STX6: variants seen among roughly 807,000 people sequenced by gnomAD.
The protein encoded by STX6 is syntaxin 6.
A neutral mutation model predicts 38.0 loss-of-function variants in STX6; 23 were observed. The observed-to-expected ratio is 0.60, with a 90% confidence interval of 0.43 to 0.86. The LOEUF is 0.86. STX6 is among the 40% of genes least tolerant of loss of function. STX6 has a pLI of 0.00. For missense variants in STX6, 274 were observed against 312.9 expected (o/e 0.88, Z 0.94); for synonymous variants, 123 against 107.5 (o/e 1.14, Z -0.89).
At chr1:181,021,823 A>G (rs977009542) in intron 1 of STX6, among the ~76,000 whole-genome samples, 4 of 152,232 alleles carry the variant, frequency 2.6e-5, no homozygotes, top group African/African-American at 9.6e-5. Flanking sequence ...AGTCCTTTCT[A>G]TTCTGAAAGG....
chr1:180,996,300 CACACAATGCAGTATTATAT>C (rs1194862036), intron 3 of STX6, among the ~76,000 whole-genome samples: 1 of 151,956 alleles, frequency 6.6e-6, no homozygotes, highest in African/African-American at 2.4e-5. Context: ...CAACACAATC[CACACAATGCAGTATTATAT>C]ACTAGGCATT....
chr1:180,980,219 A>C (rs1242380012), intron 7 of STX6, among the ~76,000 whole-genome samples: 3 of 150,976 alleles, frequency 2.0e-5, no homozygotes, highest in East Asian at 1.9e-4. Flanking sequence ...AAAAAAAAAA[A>C]AAAACACCAT....
intron 3 of STX6, among the ~76,000 whole-genome samples, chr1:180,995,372 A>G (rs905549109): frequency 1.3e-5 from 2 of 152,170 alleles, no homozygotes; most frequent in Non-Finnish European, 2.9e-5. Flanking sequence ...CTTGTCTTAC[A>G]ATGGAAATCT....
intron 3 of STX6, among the ~76,000 whole-genome samples, chr1:181,000,661 T>C (rs1656053546): frequency 6.6e-6 from 1 of 152,274 alleles, no homozygotes; most frequent in East Asian, 1.9e-4. Context: ...AAAAAGCTTT[T>C]CAGATATTAG....
intron 7 of STX6, among the ~76,000 whole-genome samples, chr1:180,977,691 CAT>C (rs755465091): frequency 3.3e-5 from 5 of 152,298 alleles, no homozygotes; most frequent in Non-Finnish European, 7.3e-5. Flanking sequence ...AATATAAAGA[CAT>C]ATTGATTCAC....
At chr1:181,001,132 T>C (rs1656069800) in intron 3 of STX6, among the ~76,000 whole-genome samples, 1 of 152,130 alleles carries the variant, frequency 6.6e-6, no homozygotes, top group South Asian at 2.1e-4. Flanking sequence ...ATAAAACAAG[T>C]AACAAGAATA....
In STX6 at chr1:180,976,465, T is replaced by C. The variant is rs1655251755; in HGVS notation, c.*105A>G. The C allele has an allele frequency of 9.0e-6, 9 of 1,001,806 alleles. No individual in the cohort carries two copies. In the South Asian group the frequency reaches 9.4e-5, roughly 10 times the overall value. The allele number at this position is 1,001,806 out of a possible 1,614,324, so 62.1% of individuals were successfully genotyped here. On this transcript the variant is annotated 3_prime_UTR_variant, in exon 8 of 8. Transcript: ENST00000258301. ...GGAGAAAAGTCAGTGCAGCAGTATGTTTCCAGGATAGGAATGTGAGTAGAC... is the reference window on the plus strand; with the variant it reads ...GGAGAAAAGTCAGTGCAGCAGTATGCTTCCAGGATAGGAATGTGAGTAGAC...
At position 180,975,086 on chromosome 1, in the gene STX6, C is replaced by CAAACA. The variant is rs1301887035; in HGVS notation, c.*1479_*1483dup. 5 of 152,228 alleles carry CAAACA rather than the reference C, an allele frequency of 3.3e-5. No individual in the cohort carries two copies. The highest frequency in any genetic ancestry group is 2.1e-4 in the South Asian group (1 of 4,806). The allele number at this position is 152,228 out of a possible 1,614,324, so 9.4% of individuals were successfully genotyped here. On this transcript the variant is annotated 3_prime_UTR_variant, in exon 8 of 8. Transcript: ENST00000258301. ...CCCCCAAATAAAACCACATGAAATA[C>CAAACA]AAACAAAACAAAACAAAAAGGTTTA...
intron 6 of STX6, among the ~76,000 whole-genome samples, chr1:180,987,494 C>T (rs1370961170): frequency 6.6e-6 from 1 of 152,226 alleles, no homozygotes; most frequent in Non-Finnish European, 1.5e-5. Flanking sequence ...CCTTGGCTTC[C>T]AGAAGGCCCG....
rs1160466742 is a variant in STX6 at position 180,975,997 on chromosome 1, T to G, written c.*573A>C. On this transcript the variant is annotated 3_prime_UTR_variant, in exon 8 of 8. Coordinates refer to ENST00000258301, the MANE Select transcript of STX6 (RefSeq NM_005819.6). ...TGGAAAAGCAATTTTATCTTAGCATTTATCCCTGAAAAATGAAACACTGCA... is the reference window on the plus strand; with the variant it reads ...TGGAAAAGCAATTTTATCTTAGCATGTATCCCTGAAAAATGAAACACTGCA... 6.6e-6 allele frequency: 1 copy of G among 152,654 alleles called. No homozygotes were observed. The highest frequency in any genetic ancestry group is 1.9e-4 in the East Asian group (1 of 5,204). The allele number at this position is 152,654 out of a possible 1,614,324, so 9.5% of individuals were successfully genotyped here.
At chr1:180,980,102 A>G (rs1180425325) in intron 7 of STX6, among the ~76,000 whole-genome samples, 2 of 151,400 alleles carry the variant, frequency 1.3e-5, no homozygotes, top group African/African-American at 4.9e-5. Flanking sequence ...AGCTACTTGA[A>G]AGGCTGAAGC....
Position 180,976,472 on chromosome 1 carries a change from G to A in STX6, c.*98C>T, listed in dbSNP as rs890564979. The A allele has an allele frequency of 1.9e-6, 2 of 1,046,638 alleles. No individual in the cohort carries two copies. The highest frequency in any genetic ancestry group is 1.5e-6 in the Non-Finnish European group (1 of 675,444). The allele number at this position is 1,046,638 out of a possible 1,614,324, so 64.8% of individuals were successfully genotyped here. On this transcript the variant is annotated 3_prime_UTR_variant, in exon 8 of 8. Coordinates refer to ENST00000258301, the MANE Select transcript of STX6 (RefSeq NM_005819.6). ...AGTCAGTGCAGCAGTATGTTTCCAG[G>A]ATAGGAATGTGAGTAGACGGCAATG...
chr1:180,992,469 C>A (rs905405004), intron 4 of STX6, among the ~76,000 whole-genome samples: 18 of 152,278 alleles, frequency 1.2e-4, no homozygotes, highest in Admixed American at 3.3e-4. Flanking sequence ...ATGGACAATT[C>A]ATAACTTTCT....
At position 181,007,804 on chromosome 1, in the gene STX6, C is replaced by T. The variant is rs1656268478; in HGVS notation, c.36-2341G>A. 2.0e-5 allele frequency among the ~76,000 whole-genome samples: 3 copies of T among 152,182 alleles called. No homozygotes were observed. The South Asian group carries it at 6.2e-4, about 31-fold the overall frequency. ...TTACTATATTAGGAATTCAAACAGACATTTTAAAAATATTTGTCAACTTTA... is the reference window on the plus strand; with the variant it reads ...TTACTATATTAGGAATTCAAACAGATATTTTAAAAATATTTGTCAACTTTA... On this transcript the variant is annotated intron_variant, in intron 1 of 7. Transcript: ENST00000258301.
chr1:181,007,471 T>C (rs1221059076), intron 1 of STX6, among the ~76,000 whole-genome samples: 1 of 152,188 alleles, frequency 6.6e-6, no homozygotes, highest in Non-Finnish European at 1.5e-5. Context: ...GTACTGAGTA[T>C]CATTTATGAT....
At chr1:180,981,592 A>G (rs2102301572) in intron 7 of STX6, among the ~76,000 whole-genome samples, 1 of 152,112 alleles carries the variant, frequency 6.6e-6, no homozygotes, top group South Asian at 2.1e-4. Flanking sequence ...CATGCCTCCT[A>G]CCACCCTCCA....
chr1:180,975,940 ATTAG>A lies in STX6; in HGVS notation c.*626_*629del. The stretch of plus-strand genomic sequence containing the variant: ...ACCCCAGGGTGTTTCATTATTTTCC[ATTAG>A]TTATTCTTACCACAAAAAAAAATGA... On this transcript the variant is annotated 3_prime_UTR_variant, in exon 8 of 8. Coordinates refer to ENST00000258301, the MANE Select transcript of STX6 (RefSeq NM_005819.6). 1 of 152,634 alleles carries A rather than the reference ATTAG, an allele frequency of 6.6e-6. No individual in the cohort carries two copies. The highest frequency in any genetic ancestry group is 3.4e-3 in the Middle Eastern group (1 of 294). 9.5% of individuals were successfully genotyped at this position (152,634 alleles called of 1,614,324 possible).
intron 3 of STX6, among the ~76,000 whole-genome samples, chr1:180,997,956 A>G (rs1050717083): frequency 6.6e-6 from 1 of 152,218 alleles, no homozygotes; most frequent in Non-Finnish European, 1.5e-5. Context: ...CATCAGGATT[A>G]TTTGCATTTT....
At chr1:181,016,203 T>C (rs1656551268) in intron 1 of STX6, among the ~76,000 whole-genome samples, 1 of 149,616 alleles carries the variant, frequency 6.7e-6, no homozygotes, top group African/African-American at 2.4e-5. Flanking sequence ...TCTGTTTCAG[T>C]TGGCAGGTCT....
Sources: allele counts gnomAD v4.1 joint callset (sites outside exome capture counted in the v4.1 genomes callset), GRCh38; gene constraint gnomAD v4.1.1; transcripts MANE v1.5; gene names NCBI Gene and HGNC (gene_info 2026-07-23, HGNC 2026-07-21).